The following TUBGCP5 variants were observed in gnomAD, a reference collection of about 807,000 sequenced individuals.
TUBGCP5 encodes tubulin gamma complex component 5, also known as gamma-tubulin complex component 5.
In TUBGCP5, 98 loss-of-function variants were observed where a neutral mutation model predicts 134.7. The observed-to-expected ratio is 0.73, with a 90% CI of 0.62 to 0.86. The LOEUF is 0.86. Ranked by LOEUF, TUBGCP5 falls within the 40% of genes least tolerant of loss-of-function variation. The pLI, the probability that TUBGCP5 is intolerant of heterozygous loss-of-function variation, is 0.00. For synonymous variants in TUBGCP5, 456 were observed against 431.4 expected (o/e 1.06, Z -0.71); for missense variants, 1,150 against 1,244.8 (o/e 0.92, Z 1.15).
Position 22,999,852 on chromosome 15 carries a change from A to G in TUBGCP5, c.3043T>C (p.Leu1015=). 6.2e-7 allele frequency: 1 copy of G among 1,613,976 alleles called. No homozygotes were observed. Among genetic ancestry groups the G allele is most frequent in the Non-Finnish European group, 8.5e-7 (1 of 1,179,888 alleles). The part of the protein sequence containing the change: ...GSFPHLESLA[L]SLMAGMEQS ...TGTTCCATGCCAGCCATGAGTGACA[A>G]CGCTAGAGATTCCACTGTGGGAAGA... The change falls in exon 23 of 23, where the codon TTG becomes CTG. Residue 1015 remains leucine (L), a synonymous_variant. Transcript: ENST00000615383.
chr15:23,029,067 C>G (rs182264406), intron 6 of TUBGCP5, among the ~76,000 whole-genome samples: 5 of 152,088 alleles, frequency 3.3e-5, no homozygotes, highest in Non-Finnish European at 7.4e-5. Context: ...AACAAATGAA[C>G]ACTCAAGATG....
At chr15:23,025,462 C>T (rs1567151621) in intron 8 of TUBGCP5, among the ~76,000 whole-genome samples, 1 of 152,182 alleles carries the variant, frequency 6.6e-6, no homozygotes. Context: ...TCAGTAGTAA[C>T]AGCACCATGT....
chr15:23,000,971 C>T (rs2064338589), intron 21 of TUBGCP5, among the ~76,000 whole-genome samples: 1 of 152,108 alleles, frequency 6.6e-6, no homozygotes, highest in Non-Finnish European at 1.5e-5. Flanking sequence ...TTATTGTTTA[C>T]AAGCATACAT....
At chr15:23,035,037 T>C (rs1229364786) in intron 3 of TUBGCP5, among the ~76,000 whole-genome samples, 1 of 151,812 alleles carries the variant, frequency 6.6e-6, no homozygotes, top group Non-Finnish European at 1.5e-5. Context: ...ATTAAAAGGA[T>C]AATAAAGAAG....
intron 3 of TUBGCP5, among the ~76,000 whole-genome samples, chr15:23,036,214 C>A (rs933996274): frequency 1.3e-5 from 2 of 152,142 alleles, no homozygotes; most frequent in African/African-American, 4.8e-5. Context: ...ATGTGACCCA[C>A]CCCCAATAAA....
intron 23 of TUBGCP5, among the ~76,000 whole-genome samples, chr15:22,992,390 A>G (rs2063873655): frequency 6.6e-6 from 1 of 152,140 alleles, no homozygotes; most frequent in Non-Finnish European, 1.5e-5. Flanking sequence ...AAACTGACGA[A>G]TCAGTTTACA....
intron 23 of TUBGCP5, among the ~76,000 whole-genome samples, chr15:22,990,551 C>T (rs1310924499): frequency 6.6e-6 from 1 of 152,204 alleles, no homozygotes; most frequent in Non-Finnish European, 1.5e-5. Flanking sequence ...GCAGGAAACA[C>T]AGCATGCATT....
intron 3 of TUBGCP5, 91 bp from the exon 4 acceptor site, chr15:23,032,915 C>T (rs2066396043): frequency 1.1e-6 from 1 of 918,326 alleles, no homozygotes; most frequent in Non-Finnish European, 1.6e-6. Context: ...ACAGTTATGT[C>T]CCCAATTTTT....
At chr15:22,986,337 C>T (rs1595769242) in intron 23 of TUBGCP5, among the ~76,000 whole-genome samples, 1 of 151,866 alleles carries the variant, frequency 6.6e-6, no homozygotes, top group Admixed American at 6.6e-5. Context: ...AGATGAACCT[C>T]AAAACTATTC....
intron 1 of TUBGCP5, among the ~76,000 whole-genome samples, chr15:23,038,387 A>G (rs1324873096): frequency 1.3e-5 from 2 of 152,214 alleles, no homozygotes; most frequent in Non-Finnish European, 2.9e-5. Flanking sequence ...GCCTACTGTC[A>G]TTTAGAAATA....
At chr15:23,030,544 T>C (rs983206050) in intron 6 of TUBGCP5, among the ~76,000 whole-genome samples, 6 of 149,474 alleles carry the variant, frequency 4.0e-5, no homozygotes, top group African/African-American at 1.5e-4. Flanking sequence ...GGTCTCGCTC[T>C]GTTGCCAGAG....
At chr15:22,990,261 C>A (rs1192716112) in intron 23 of TUBGCP5, among the ~76,000 whole-genome samples, 1 of 150,844 alleles carries the variant, frequency 6.6e-6, no homozygotes, top group Admixed American at 6.6e-5. Context: ...CTCTTCCCCT[C>A]CTCTTCCATC....
rs375769751 is a variant in TUBGCP5 at position 23,023,981 on chromosome 15, T to C, written c.1134A>G (p.Glu378=). The C allele has an allele frequency of 3.1e-6, 5 of 1,613,926 alleles. No individual in the cohort carries two copies. The African/African-American group carries it at 6.7e-5, about 22-fold the overall frequency. Residue 378 remains glutamate, a synonymous_variant, in exon 10 of 23, where the codon GAA becomes GAG. Coordinates refer to ENST00000615383, the MANE Select transcript of TUBGCP5 (RefSeq NM_052903.6). ...TGATGCACTTCTCAATTTCTGCAAG[T>C]TCCTCTTTGAAACTAATGAAATATT... The part of the protein sequence containing the change: ...LYKYFISFKE[E]LAEIEKCIIN...
At chr15:23,008,433 A>G (rs1265782779) in intron 16 of TUBGCP5, 1 of 417,288 alleles carries the variant, frequency 2.4e-6, no homozygotes. Flanking sequence ...TGCTTTTTGT[A>G]TTTTTAGTAG....
At chr15:22,997,473 C>T (rs1364198840), downstream of TUBGCP5, among the ~76,000 whole-genome samples, 1 of 150,810 alleles carries the variant, frequency 6.6e-6, no homozygotes, top group African/African-American at 2.4e-5. Context: ...AGCCACCGTG[C>T]TCGGCCCCTT....
intron 3 of TUBGCP5, among the ~76,000 whole-genome samples, chr15:23,034,704 C>CA: frequency 6.6e-6 from 1 of 151,866 alleles, no homozygotes; most frequent in East Asian, 1.9e-4. Flanking sequence ...ACTAAAAATA[C>CA]AAAAATTAGC....
chr15:23,024,231 C>G (rs1213761939), intron 9 of TUBGCP5, 38 bp from the exon 10 acceptor site: 1 of 1,591,296 alleles, frequency 6.3e-7, no homozygotes, highest in Non-Finnish European at 8.6e-7. Flanking sequence ...CAAAGGTGGT[C>G]TTCTGTAAAC....
chr15:22,986,494 T>C (rs1443167254), intron 23 of TUBGCP5, among the ~76,000 whole-genome samples: 1 of 152,066 alleles, frequency 6.6e-6, no homozygotes, highest in East Asian at 1.9e-4. Context: ...CCCAGCACTT[T>C]GGGAGGCCAA....
At chr15:23,024,989 C>T (rs1470641473) in intron 8 of TUBGCP5, among the ~76,000 whole-genome samples, 159 bp from the exon 9 acceptor site, 1 of 151,792 alleles carries the variant, frequency 6.6e-6, no homozygotes, top group East Asian at 1.9e-4. Flanking sequence ...GGAGCCACAA[C>T]CTCCTGGGTT....
Sources: gnomAD v4.1 joint callset for allele counts (sites outside exome capture counted in the v4.1 genomes callset) on GRCh38, gnomAD v4.1.1 for gene constraint, MANE v1.5 for transcripts, NCBI Gene and HGNC (gene_info 2026-07-23, HGNC 2026-07-21) for gene names.